IL1RAPL1: variants seen among roughly 807,000 people sequenced by gnomAD.
The protein encoded by IL1RAPL1 is interleukin 1 receptor accessory protein like 1.
Under a neutral mutation model 48.4 loss-of-function variants are expected in IL1RAPL1, and 3 were observed. That is an observed-to-expected ratio of 0.06 (90% CI 0.03 to 0.16). The LOEUF (loss-of-function observed/expected upper bound fraction) is 0.16. Among genes scored for constraint, IL1RAPL1 ranks in the 10% least tolerant of loss-of-function variants. The pLI is 1.00. For synonymous variants in IL1RAPL1, 185 were observed against 187.7 expected (o/e 0.99, Z 0.12); for missense variants, 349 against 530.6 (o/e 0.66, Z 3.36).
At chrX:29,111,397 AG>A (rs1210697640) in intron 2 of IL1RAPL1, among the ~76,000 whole-genome samples, 1 of 112,361 alleles carries the variant, frequency 8.9e-6, no homozygotes, top group African/African-American at 3.2e-5. Flanking sequence ...ATTTTCTCCG[AG>A]GTGCCTCCAC....
At chrX:29,529,599 CAAA>C (rs59465203) in intron 5 of IL1RAPL1, among the ~76,000 whole-genome samples, 127 of 77,528 alleles carry the variant, frequency 1.6e-3, no homozygotes, top group Middle Eastern at 6.7e-3. Flanking sequence ...GCCTCTGTCT[CAAA>C]AAAAAAAAAA....
At chrX:29,642,271 G>A (rs1044723653) in intron 5 of IL1RAPL1, among the ~76,000 whole-genome samples, 4 of 111,885 alleles carry the variant, frequency 3.6e-5, no homozygotes, top group Non-Finnish European at 5.6e-5. Flanking sequence ...AAAGCCCTGC[G>A]CTAATATTTC....
chrX:29,465,231 C>A (rs1283773769), intron 5 of IL1RAPL1, among the ~76,000 whole-genome samples: 1 of 110,185 alleles, frequency 9.1e-6, no homozygotes, highest in Non-Finnish European at 1.9e-5. Flanking sequence ...ATAGTGAGTC[C>A]CTGTCTCTAC....
intron 1 of IL1RAPL1, among the ~76,000 whole-genome samples, chrX:28,693,425 T>G (rs564895580): frequency 3.6e-5 from 4 of 112,601 alleles, no homozygotes; most frequent in African/African-American, 1.3e-4. Context: ...ATGCCTTTAA[T>G]GATGTGTTAT....
At chrX:29,721,749 G>A (rs981015935) in intron 6 of IL1RAPL1, among the ~76,000 whole-genome samples, 1 of 111,331 alleles carries the variant, frequency 9.0e-6, no homozygotes, top group Non-Finnish European at 1.9e-5. Flanking sequence ...ACATACTCAC[G>A]GTATGATTAA....
At chrX:29,808,634 T>G (rs1930309066) in intron 6 of IL1RAPL1, among the ~76,000 whole-genome samples, 1 of 111,766 alleles carries the variant, frequency 8.9e-6, no homozygotes, top group African/African-American at 3.2e-5. Flanking sequence ...AGAAGAGTGT[T>G]GAAAAGCTAC....
intron 2 of IL1RAPL1, among the ~76,000 whole-genome samples, chrX:29,100,821 G>T (rs1928319995): frequency 8.9e-6 from 1 of 111,776 alleles, no homozygotes. Context: ...TCAGGTTTAA[G>T]TTAGATAACT....
At chrX:29,586,893 C>G (rs1303973104) in intron 5 of IL1RAPL1, among the ~76,000 whole-genome samples, 3 of 111,317 alleles carry the variant, frequency 2.7e-5, no homozygotes, top group Non-Finnish European at 5.7e-5. Context: ...AATCCTGCAA[C>G]TTTACCAAAT....
At chrX:29,039,320 G>A (rs1184311342) in intron 2 of IL1RAPL1, among the ~76,000 whole-genome samples, 1 of 111,612 alleles carries the variant, frequency 9.0e-6, no homozygotes, top group African/African-American at 3.3e-5. Flanking sequence ...TCCTTCTGGA[G>A]TTCATAATAA....
At chrX:29,254,546 G>C (rs1428779439) in intron 2 of IL1RAPL1, among the ~76,000 whole-genome samples, 3 of 110,596 alleles carry the variant, frequency 2.7e-5, no homozygotes, top group African/African-American at 9.8e-5. Context: ...ACATAGGAGG[G>C]TTATAAGATT....
At chrX:29,300,935 T>A (rs2147611313) in intron 3 of IL1RAPL1, among the ~76,000 whole-genome samples, 1 of 112,151 alleles carries the variant, frequency 8.9e-6, no homozygotes, top group Admixed American at 9.5e-5. Flanking sequence ...CATTTTTGTT[T>A]GTCTAAACAG....
At chrX:28,669,537 T>C (rs1318001501) in intron 1 of IL1RAPL1, among the ~76,000 whole-genome samples, 1 of 108,076 alleles carries the variant, frequency 9.3e-6, no homozygotes, top group African/African-American at 3.4e-5. Flanking sequence ...GAGAATCGCT[T>C]GAACCAGGAG....
intron 5 of IL1RAPL1, among the ~76,000 whole-genome samples, chrX:29,551,736 G>T (rs1009091502): frequency 1.8e-5 from 2 of 110,625 alleles, no homozygotes; most frequent in Non-Finnish European, 3.8e-5. Flanking sequence ...ATGGCACTTT[G>T]ACATGTTGGA....
intron 6 of IL1RAPL1, among the ~76,000 whole-genome samples, chrX:29,858,627 C>T (rs1931521115): frequency 9.0e-6 from 1 of 111,162 alleles, no homozygotes; most frequent in Non-Finnish European, 1.9e-5. Flanking sequence ...TGAATTTGTT[C>T]CTAAAATCTG....
At position 29,813,935 on chromosome X, in the gene IL1RAPL1, G is replaced by T. The variant is rs182499171; in HGVS notation, c.779-103529G>T. On this transcript the variant is annotated intron_variant, in intron 6 of 10. Coordinates refer to ENST00000378993, the MANE Select transcript of IL1RAPL1 (RefSeq NM_014271.4). ...AAGAATGATTTTGTTCTTATTTATG[G>T]CTGTGTAGTATTCCATGGTGTGTAT... Among the ~76,000 whole-genome samples the T allele has an allele frequency of 3.9e-3, 438 of 111,777 alleles. 3 individuals carry two copies. The highest frequency in any genetic ancestry group is 0.013 in the African/African-American group (412 of 30,766).
At chrX:28,853,568 A>C (rs2147298378) in intron 2 of IL1RAPL1, among the ~76,000 whole-genome samples, 1 of 111,607 alleles carries the variant, frequency 9.0e-6, no homozygotes. Context: ...CTCAGTAAAC[A>C]TTTCTTAAAT....
chrX:28,626,264 C>T (rs1051640139), intron 1 of IL1RAPL1, among the ~76,000 whole-genome samples: 7 of 112,085 alleles, frequency 6.2e-5, no homozygotes, highest in African/African-American at 2.3e-4. Flanking sequence ...ATTTTTGTTT[C>T]TTTTTTATTA....
rs1569174319 is a variant in IL1RAPL1, at chrX:29,803,407, G to GTATATGTATACACATATGTA, written c.779-114050_779-114049insATACACATATGTATATATGT. The stretch of plus-strand genomic sequence containing the variant: ...CATGTATACACATATGTATATATGT[G>GTATATGTATACACATATGTA]TATATGTGTATATGTGTATATATGT... On this transcript the variant is annotated intron_variant, in intron 6 of 10. Coordinates refer to ENST00000378993, the MANE Select transcript of IL1RAPL1 (RefSeq NM_014271.4). 2.5e-4 allele frequency among the ~76,000 whole-genome samples: 20 copies of GTATATGTATACACATATGTA among 81,047 alleles called. 1 individual carries two copies. In the East Asian group the frequency reaches 2.9e-3, roughly 12 times the overall value. The allele number at this position is 81,047 out of a possible 115,157, so 70.4% of individuals were successfully genotyped here. A position where few individuals can be genotyped will look rare whatever the true frequency, so the allele number is the denominator to read the frequency against.
intron 2 of IL1RAPL1, among the ~76,000 whole-genome samples, chrX:29,171,825 G>GA (rs11323995): frequency 9.7e-4 from 103 of 106,013 alleles, no homozygotes; most frequent in African/African-American, 2.7e-3. Flanking sequence ...TGGAGGGAAA[G>GA]AAAAAAAAAA....
Sources: allele counts gnomAD v4.1 joint callset (sites outside exome capture counted in the v4.1 genomes callset), GRCh38; gene constraint gnomAD v4.1.1; transcripts MANE v1.5; gene names NCBI Gene and HGNC (gene_info 2026-07-23, HGNC 2026-07-21).